SSBP2: variants seen among roughly 807,000 people sequenced by gnomAD.
SSBP2 encodes the protein single-stranded DNA-binding protein 2.
SSBP2 carries 17 observed loss-of-function variants against 61.8 expected under a neutral mutation model. That is an observed-to-expected ratio of 0.28 (90% CI 0.19 to 0.41). The LOEUF is 0.41. Among genes scored for constraint, SSBP2 ranks in the 10% least tolerant of loss-of-function variants. The pLI is 1.00. For synonymous variants in SSBP2, 139 were observed against 141.3 expected, an observed-to-expected ratio of 0.98 and a Z score of 0.12; for missense variants, 310 against 458.7, an observed-to-expected ratio of 0.68 and a Z score of 2.96.
chr5:81,501,270 C>T (rs372074043), intron 5 of SSBP2, among the ~76,000 whole-genome samples: 1,353 of 37,050 alleles, frequency 0.037, 53 homozygotes, highest in Non-Finnish European at 0.049. Flanking sequence ...TATATATATA[C>T]ACACACACAC....
chr5:81,525,726 T>C (rs1236168204), intron 4 of SSBP2, among the ~76,000 whole-genome samples: 1 of 152,004 alleles, frequency 6.6e-6, no homozygotes, highest in African/African-American at 2.4e-5. Context: ...ACTACTTGCA[T>C]GTACCTCTGC....
intron 6 of SSBP2, among the ~76,000 whole-genome samples, chr5:81,481,283 A>G (rs1765964885): frequency 6.6e-6 from 1 of 152,188 alleles, no homozygotes; most frequent in Non-Finnish European, 1.5e-5. Flanking sequence ...CATCAGAGAA[A>G]TCACTACAGA....
intron 1 of SSBP2, among the ~76,000 whole-genome samples, chr5:81,742,864 A>C (rs1287705525): frequency 6.6e-6 from 1 of 152,138 alleles, no homozygotes. Flanking sequence ...TGGGCAAAAG[A>C]GCAAAACTCC....
intron 4 of SSBP2, among the ~76,000 whole-genome samples, chr5:81,586,304 A>AAC (rs1183164842): frequency 1.3e-5 from 2 of 152,152 alleles, no homozygotes; most frequent in African/African-American, 4.8e-5. Flanking sequence ...CATCCTTGCC[A>AAC]ACATTTGTTA....
intron 8 of SSBP2, among the ~76,000 whole-genome samples, chr5:81,469,887 T>C (rs758200995): frequency 2.5e-4 from 38 of 152,058 alleles, no homozygotes; most frequent in Non-Finnish European, 3.8e-4. Context: ...CAATTCCATC[T>C]GGTCTAATCT....
At chr5:81,743,596 G>C (rs1273530075) in intron 1 of SSBP2, among the ~76,000 whole-genome samples, 1 of 152,098 alleles carries the variant, frequency 6.6e-6, no homozygotes, top group African/African-American at 2.4e-5. Flanking sequence ...AAGATCCCAA[G>C]TTTTGTTTAG....
At chr5:81,606,314 T>C (rs1232402752) in intron 4 of SSBP2, among the ~76,000 whole-genome samples, 1 of 152,104 alleles carries the variant, frequency 6.6e-6, no homozygotes, top group African/African-American at 2.4e-5. Context: ...GGCAGCTGAA[T>C]AGCTGGGAGA....
intron 1 of SSBP2, among the ~76,000 whole-genome samples, chr5:81,697,786 A>G (rs2153868466): frequency 6.6e-6 from 1 of 152,294 alleles, no homozygotes; most frequent in South Asian, 2.1e-4. Flanking sequence ...AACACTAAGT[A>G]AATATTTTGC....
chr5:81,654,002 T>TG (rs919648930), intron 1 of SSBP2, among the ~76,000 whole-genome samples: 7 of 151,882 alleles, frequency 4.6e-5, no homozygotes, highest in Non-Finnish European at 7.4e-5. Context: ...TGTTTTGTTT[T>TG]TTTTTTTGAG....
intron 1 of SSBP2, among the ~76,000 whole-genome samples, chr5:81,693,033 G>T (rs931822725): frequency 6.6e-6 from 1 of 151,770 alleles, no homozygotes; most frequent in African/African-American, 2.4e-5. Context: ...GTGAAAGCTT[G>T]TCTCTACTAA....
intron 4 of SSBP2, among the ~76,000 whole-genome samples, chr5:81,613,355 C>T (rs1383706251): frequency 6.6e-6 from 1 of 152,056 alleles, no homozygotes; most frequent in Admixed American, 6.5e-5. Flanking sequence ...TTACTCCTAC[C>T]TCTGGCTAAT....
At chr5:81,670,351 T>C (rs1751501777) in intron 1 of SSBP2, among the ~76,000 whole-genome samples, 1 of 152,170 alleles carries the variant, frequency 6.6e-6, no homozygotes, top group Non-Finnish European at 1.5e-5. Context: ...GTTATTACAA[T>C]GGGTAATGAA....
chr5:81,484,851 T>A (rs1274211066), intron 6 of SSBP2, among the ~76,000 whole-genome samples: 1 of 152,152 alleles, frequency 6.6e-6, no homozygotes, highest in South Asian at 2.1e-4. Context: ...GAATACCAAA[T>A]TCAACTTTAG....
chr5:81,566,403 T>C (rs1309010592), intron 4 of SSBP2, among the ~76,000 whole-genome samples: 1 of 152,182 alleles, frequency 6.6e-6, no homozygotes, highest in East Asian at 1.9e-4. Flanking sequence ...CCTGACAGTT[T>C]TATCAGGGAT....
At chr5:81,611,838 T>C (rs1018125196) in intron 4 of SSBP2, among the ~76,000 whole-genome samples, 5 of 152,268 alleles carry the variant, frequency 3.3e-5, no homozygotes, top group African/African-American at 1.2e-4. Flanking sequence ...AGTTTCTTCA[T>C]TTATTTCTTC....
At chr5:81,471,098 T>C (rs999051538) in intron 8 of SSBP2, among the ~76,000 whole-genome samples, 3 of 151,862 alleles carry the variant, frequency 2.0e-5, no homozygotes, top group African/African-American at 7.2e-5. Flanking sequence ...TTCTTATTTC[T>C]GAGGTAAATT....
Position 81,624,429 on chromosome 5 carries a change from T to A in SSBP2, c.198-8872A>T, listed in dbSNP as rs774763381. ...GGACCAGAAGTGCTTCAGATTTAAA[T>A]TTTTTTTGATTTTGAAATATTTTCA... is the stretch of plus-strand genomic sequence containing the variant. On this transcript the variant is annotated intron_variant, in intron 3 of 16. Coordinates refer to ENST00000320672, the MANE Select transcript of SSBP2 (RefSeq NM_012446.5). Among the ~76,000 whole-genome samples the A allele has an allele frequency of 9.6e-4, 146 of 152,114 alleles. 1 individual carries two copies. The highest frequency in any genetic ancestry group is 3.4e-3 in the Middle Eastern group (1 of 292).
intron 4 of SSBP2, among the ~76,000 whole-genome samples, chr5:81,524,648 G>A (rs1238989299): frequency 1.3e-5 from 2 of 151,968 alleles, no homozygotes; most frequent in East Asian, 3.9e-4. Flanking sequence ...TTTGGTTAAA[G>A]CAATTCTTCT....
At chr5:81,577,677 T>C (rs1774315979) in intron 4 of SSBP2, among the ~76,000 whole-genome samples, 1 of 152,042 alleles carries the variant, frequency 6.6e-6, no homozygotes, top group South Asian at 2.1e-4. Flanking sequence ...ATAAAACTCA[T>C]TTCTATTTTC....
Sources: allele counts gnomAD v4.1 joint callset (sites outside exome capture counted in the v4.1 genomes callset), GRCh38; gene constraint gnomAD v4.1.1; transcripts MANE v1.5; gene names NCBI Gene and HGNC (gene_info 2026-07-23, HGNC 2026-07-21).